Variants in B4GALT5 observed in about 807,000 individuals in gnomAD.
B4GALT5 encodes UDP-Gal:beta-GlcNAc beta-1,4-galactosyltransferase 5.
In B4GALT5, 11 loss-of-function variants were observed where a neutral mutation model predicts 45.0. The observed-to-expected ratio is 0.24, with a 90% CI of 0.15 to 0.40. B4GALT5 has a LOEUF of 0.40. Ranked by LOEUF, B4GALT5 falls within the 10% of genes least tolerant of loss-of-function variation. B4GALT5 has a pLI of 1.00. For synonymous variants in B4GALT5, 185 were observed against 182.9 expected (o/e 1.01, Z -0.09); for missense variants, 337 against 500.2 (o/e 0.67, Z 3.11).
At chr20:49,651,630 A>G (rs2085623232) in intron 2 of B4GALT5, among the ~76,000 whole-genome samples, 1 of 152,114 alleles carries the variant, frequency 6.6e-6, no homozygotes, top group Admixed American at 6.5e-5. Context: ...ATGGGAAAAC[A>G]ACAGACTCCT....
At chr20:49,703,227 A>C (rs1437921404) in intron 1 of B4GALT5, among the ~76,000 whole-genome samples, 1 of 152,168 alleles carries the variant, frequency 6.6e-6, no homozygotes, top group Non-Finnish European at 1.5e-5. Context: ...TATGCCACTA[A>C]ACTGTACACT....
intron 1 of B4GALT5, among the ~76,000 whole-genome samples, chr20:49,656,986 C>A (rs1404695138): frequency 6.6e-6 from 1 of 152,128 alleles, no homozygotes; most frequent in Non-Finnish European, 1.5e-5. Flanking sequence ...AATACCCAAT[C>A]TGTATTCTAG....
In B4GALT5 at chr20:49,636,397, T is replaced by C. The variant is rs1471028808; in HGVS notation, c.1082A>G (p.Tyr361Cys). 1 of 1,614,052 alleles carries C rather than the reference T, an allele frequency of 6.2e-7. No individual in the cohort carries two copies. The highest frequency in any genetic ancestry group is 2.2e-5 in the East Asian group (1 of 44,900). ...GGCGTCGTATGTGATGTTTGCAAAGTAGTTCAGGTTGTTGAGGCCATCCAG... is the reference window on the plus strand; with the variant it reads ...GGCGTCGTATGTGATGTTTGCAAAGCAGTTCAGGTTGTTGAGGCCATCCAG... ...QGLDGLNNLN[Y>C]FANITYDALY... Residue 361 changes from tyrosine (Y) to cysteine (C), a missense_variant, in exon 9 of 9, where the codon TAC becomes TGC. Around this residue, in one of 2 missense-constraint regions of B4GALT5, gnomAD observed 163 missense variants for 292.8 expected, o/e 0.56. Transcript: ENST00000371711.
intron 1 of B4GALT5, among the ~76,000 whole-genome samples, chr20:49,709,336 G>A (rs1325570959): frequency 6.6e-6 from 1 of 151,956 alleles, no homozygotes. Flanking sequence ...TGAAGAGAAG[G>A]GACATCACAT....
intron 2 of B4GALT5, among the ~76,000 whole-genome samples, chr20:49,655,923 C>T (rs897073164): frequency 8.5e-5 from 8 of 94,358 alleles, no homozygotes; most frequent in African/African-American, 2.4e-4. Flanking sequence ...AGCAAAACTC[C>T]GTCTCAAAAA....
intron 1 of B4GALT5, among the ~76,000 whole-genome samples, chr20:49,677,994 C>T (rs757117967): frequency 3.3e-5 from 5 of 152,240 alleles, no homozygotes; most frequent in Admixed American, 2.0e-4. Flanking sequence ...GTGATCTGCC[C>T]GCCTCAGCCT....
At chr20:49,665,033 C>T (rs1313631293) in intron 1 of B4GALT5, among the ~76,000 whole-genome samples, 1 of 152,138 alleles carries the variant, frequency 6.6e-6, no homozygotes, top group Non-Finnish European at 1.5e-5. Context: ...AAGTGGCTTA[C>T]TGTTCTGCTG....
chr20:49,704,068 T>C (rs1358165759), intron 1 of B4GALT5, among the ~76,000 whole-genome samples: 1 of 152,204 alleles, frequency 6.6e-6, no homozygotes, highest in Admixed American at 6.5e-5. Flanking sequence ...AACACAGTAT[T>C]TAGGAAAACA....
chr20:49,669,696 C>CA (rs535974379), intron 1 of B4GALT5, among the ~76,000 whole-genome samples: 21,292 of 94,594 alleles, frequency 0.23, 1,690 homozygotes, highest in East Asian at 0.26. Context: ...AACTCCACCT[C>CA]AAAAAAAAAA....
intron 1 of B4GALT5, among the ~76,000 whole-genome samples, chr20:49,665,959 G>A (rs1047970172): frequency 2.0e-5 from 3 of 151,984 alleles, no homozygotes; most frequent in South Asian, 2.1e-4. Flanking sequence ...AAAATGGGGG[G>A]AGCAAGAGCG....
Position 49,684,044 on chromosome 20 carries a change from G to A in B4GALT5, c.116-27342C>T, listed in dbSNP as rs2085775273. Among the ~76,000 whole-genome samples the A allele has an allele frequency of 3.3e-5, 5 of 151,974 alleles. No individual in the cohort carries two copies. The South Asian group carries it at 1.0e-3, about 32-fold the overall frequency. On this transcript the variant is annotated intron_variant, in intron 1 of 8. Coordinates refer to ENST00000371711, the MANE Select transcript of B4GALT5 (RefSeq NM_004776.4). ...TAATCTCAGCTACTTGGAAGGCTGAGGAGGGAGGATCGCTTGAACCCAGGA... is the reference window on the plus strand; with the variant it reads ...TAATCTCAGCTACTTGGAAGGCTGAAGAGGGAGGATCGCTTGAACCCAGGA...
chr20:49,661,499 T>C (rs932524700), intron 1 of B4GALT5, among the ~76,000 whole-genome samples: 3 of 152,198 alleles, frequency 2.0e-5, no homozygotes, highest in Non-Finnish European at 4.4e-5. Context: ...CCTCCCAAAG[T>C]GTTGGGATTA....
In B4GALT5 at chr20:49,640,528, A is replaced by G. The variant is rs529286825; in HGVS notation, c.744T>C (p.Cys248=). 1.2e-6 allele frequency: 2 copies of G among 1,613,670 alleles called. No individual in the cohort carries two copies. The highest frequency in any genetic ancestry group is 1.7e-5 in the Admixed American group (1 of 59,980). Residue 248 remains cysteine, a synonymous_variant, in exon 6 of 9, where the codon TGT becomes TGC. Transcript: ENST00000371711. ...IPESDRNYYG[C]GQMPRHFATK... ...TTGCAAAATGCCTCGGCATCTGTCC[A>G]CATCCATAATAGTTGCGATCACTTT...
chr20:49,712,604 C>T (rs1478307574), intron 1 of B4GALT5, among the ~76,000 whole-genome samples: 1 of 152,168 alleles, frequency 6.6e-6, no homozygotes, highest in South Asian at 2.1e-4. Flanking sequence ...AGGCCCCAAT[C>T]ATATCCCCTT....
At chr20:49,666,809 C>G (rs1337846519) in intron 1 of B4GALT5, among the ~76,000 whole-genome samples, 4 of 152,158 alleles carry the variant, frequency 2.6e-5, no homozygotes, top group Non-Finnish European at 5.9e-5. Flanking sequence ...AAAGCACAAC[C>G]TGAAAAATAA....
chr20:49,668,016 G>A (rs114339352), intron 1 of B4GALT5, among the ~76,000 whole-genome samples: 2,947 of 152,234 alleles, frequency 0.019, 99 homozygotes, highest in African/African-American at 0.068. Flanking sequence ...GAGCAACCGT[G>A]TGACAATTTT....
At chr20:49,648,466 C>T (rs780885103) in intron 2 of B4GALT5, among the ~76,000 whole-genome samples, 7 of 152,140 alleles carry the variant, frequency 4.6e-5, no homozygotes, top group Non-Finnish European at 1.0e-4. Flanking sequence ...GCCACCTTTG[C>T]TCCTACTTCC....
rs993550946 is a variant in B4GALT5, at chr20:49,651,023, G to A, written c.251-3945C>T. Among the ~76,000 whole-genome samples the A allele has an allele frequency of 2.6e-5, 4 of 152,178 alleles. No homozygotes were observed. The East Asian group carries it at 5.8e-4, about 22-fold the overall frequency. Reference sequence around the variant, plus strand: ...TAGAAAATGGAAAAACAAGCCGGGCGCGGTGATCTCTGCATTTTGGGAGGC... The same window carrying A: ...TAGAAAATGGAAAAACAAGCCGGGCACGGTGATCTCTGCATTTTGGGAGGC... On this transcript the variant is annotated intron_variant, in intron 2 of 8. Transcript: ENST00000371711.
intron 1 of B4GALT5, among the ~76,000 whole-genome samples, chr20:49,675,217 T>A (rs1314932467): frequency 6.6e-6 from 1 of 152,068 alleles, no homozygotes; most frequent in East Asian, 1.9e-4. Context: ...TTCCTAAGAT[T>A]GCTGTTACTC....
Sources: gnomAD v4.1 joint callset for allele counts (sites outside exome capture counted in the v4.1 genomes callset) on GRCh38, gnomAD v4.1.1 for gene constraint, gnomAD v4.1.1 regional missense constraint, MANE v1.5 for transcripts, NCBI Gene and HGNC (gene_info 2026-07-23, HGNC 2026-07-21) for gene names.